Variants in SPATA6 observed in about 807,000 individuals in gnomAD.
SPATA6 encodes spermatogenesis associated 6.
Under a neutral mutation model 65.3 loss-of-function variants are expected in SPATA6, and 56 were observed. That is an observed-to-expected ratio of 0.86 (90% CI 0.69 to 1.07). The LOEUF (loss-of-function observed/expected upper bound fraction) is 1.07, where lower values mean the gene tolerates loss of function less well. SPATA6 is among the 50% of genes least tolerant of loss of function. The pLI, the probability that SPATA6 is intolerant of heterozygous loss-of-function variation, is 0.00. For missense variants in SPATA6, 590 were observed against 594.8 expected, an observed-to-expected ratio of 0.99 and a Z score of 0.08; for synonymous variants, 199 against 213.2, an observed-to-expected ratio of 0.93 and a Z score of 0.58.
chr1:48,322,861 C>G (rs1645638845), intron 11 of SPATA6, among the ~76,000 whole-genome samples: 1 of 152,170 alleles, frequency 6.6e-6, no homozygotes, highest in African/African-American at 2.4e-5. Context: ...CAAATCAAAA[C>G]CACAATGAGA....
chr1:48,368,043 C>G (rs1647089051), intron 9 of SPATA6, among the ~76,000 whole-genome samples: 1 of 152,130 alleles, frequency 6.6e-6, no homozygotes, highest in African/African-American at 2.4e-5. Flanking sequence ...TTTATTTCTC[C>G]TTCACTTATG....
At chr1:48,326,113 A>T (rs1208106805) in intron 11 of SPATA6, 1 of 155,436 alleles carries the variant, frequency 6.4e-6, no homozygotes, top group African/African-American at 2.4e-5. Context: ...AGAGTCTGTG[A>T]CTGCCACCAT....
chr1:48,431,848 C>T (rs112888373), intron 3 of SPATA6, among the ~76,000 whole-genome samples: 3,761 of 152,240 alleles, frequency 0.025, 98 homozygotes, highest in African/African-American at 0.067. Context: ...TAGCGACTCA[C>T]GCATGTAATC....
chr1:48,341,051 A>T (rs1646201381), intron 11 of SPATA6, among the ~76,000 whole-genome samples: 2 of 152,226 alleles, frequency 1.3e-5, no homozygotes, highest in African/African-American at 4.8e-5. Context: ...GTGGAACACT[A>T]GTATTGGGAA....
chr1:48,456,850 T>C (rs1165532680), intron 1 of SPATA6, among the ~76,000 whole-genome samples: 1 of 151,934 alleles, frequency 6.6e-6, no homozygotes, highest in Admixed American at 6.6e-5. Context: ...GAAGGAAAAA[T>C]GAACAGAGTT....
At chr1:48,464,366 A>G (rs765666112) in intron 1 of SPATA6, among the ~76,000 whole-genome samples, 2 of 152,188 alleles carry the variant, frequency 1.3e-5, no homozygotes, top group African/African-American at 2.4e-5. Context: ...AAAACTGTCT[A>G]TTTTCAAACA....
At chr1:48,462,860 TA>T (rs1025960677) in intron 1 of SPATA6, among the ~76,000 whole-genome samples, 5 of 152,164 alleles carry the variant, frequency 3.3e-5, no homozygotes, top group African/African-American at 1.2e-4. Context: ...GATGTTTCCA[TA>T]AGAGATTAGT....
Position 48,403,801 on chromosome 1 carries a change from C to T in SPATA6, c.486+1G>A, listed in dbSNP as rs1454873969. ...AAATACTTTATACAAATAATTTTAA[C>T]CTGAGTGTGGCATTTCCTTGAACTT... On this transcript the variant is annotated splice_donor_variant, in intron 6 of 12. Transcript: ENST00000371847. LOFTEE classifies it high-confidence loss of function. 3.1e-6 allele frequency: 5 copies of T among 1,598,994 alleles called. 1 individual carries two copies. In the South Asian group the frequency reaches 5.7e-5, roughly 18 times the overall value.
chr1:48,390,712 A>G (rs1649966833), intron 8 of SPATA6, among the ~76,000 whole-genome samples: 1 of 152,208 alleles, frequency 6.6e-6, no homozygotes, highest in South Asian at 2.1e-4. Context: ...AATTTTTAGA[A>G]CAGAAAATCA....
At chr1:48,285,876 C>T in the SPATA6 span, among the ~76,000 whole-genome samples, 141 of 152,168 alleles carry the variant, frequency 9.3e-4, no homozygotes, top group Non-Finnish European at 1.2e-3. Flanking sequence ...CAGAACTGTT[C>T]CTATTCAGCC....
the SPATA6 span, among the ~76,000 whole-genome samples, chr1:48,267,403 C>T: frequency 5.3e-5 from 8 of 152,278 alleles, no homozygotes; most frequent in Middle Eastern, 3.4e-3. Context: ...ATTCCAGGCT[C>T]TCATCTGAGT....
At chr1:48,343,843 C>A (rs1646287326) in intron 11 of SPATA6, among the ~76,000 whole-genome samples, 1 of 152,008 alleles carries the variant, frequency 6.6e-6, no homozygotes, top group Admixed American at 6.6e-5. Flanking sequence ...TTATGTTAAA[C>A]TTTAGTAAGA....
chr1:48,268,373 T>C, the SPATA6 span, among the ~76,000 whole-genome samples: 3 of 152,034 alleles, frequency 2.0e-5, no homozygotes, highest in Non-Finnish European at 4.4e-5. Flanking sequence ...TATGTAATCA[T>C]ATGTTATAAT....
chr1:48,452,789 A>T (rs1398601482), intron 2 of SPATA6, among the ~76,000 whole-genome samples: 1 of 152,248 alleles, frequency 6.6e-6, no homozygotes, highest in Non-Finnish European at 1.5e-5. Context: ...TTTTAGGAAT[A>T]AGCTAATCAA....
the SPATA6 span, among the ~76,000 whole-genome samples, chr1:48,287,569 A>G: frequency 7.0e-4 from 107 of 152,260 alleles, 1 homozygote; most frequent in South Asian, 4.3e-3. Context: ...AGTAGTTCAC[A>G]TGAGATCTGG....
At chr1:48,437,365 G>C in intron 3 of SPATA6, 2 of 1,481,250 alleles carry the variant, frequency 1.4e-6, no homozygotes, top group Admixed American at 4.9e-5. Flanking sequence ...AAACCACTCT[G>C]TTCAAAGGGG....
rs941538389 is a variant in SPATA6 at position 48,300,603 on chromosome 1, C to T, written c.1287-1710G>A. On this transcript the variant is annotated intron_variant, in intron 12 of 12. Coordinates refer to ENST00000371847, the MANE Select transcript of SPATA6 (RefSeq NM_019073.4). ...CCCTGGTACCAAAACCAGACAAAAACAACAACAAAAATAAACTACAGGCTA... is the reference window on the plus strand; with the variant it reads ...CCCTGGTACCAAAACCAGACAAAAATAACAACAAAAATAAACTACAGGCTA... 3.3e-5 allele frequency among the ~76,000 whole-genome samples: 5 copies of T among 151,960 alleles called. No homozygotes were observed. The East Asian group carries it at 9.6e-4, about 29-fold the overall frequency.
chr1:48,275,777 T>C, the SPATA6 span, among the ~76,000 whole-genome samples: 1 of 151,976 alleles, frequency 6.6e-6, no homozygotes, highest in East Asian at 1.9e-4. Context: ...TTATTTAGGA[T>C]ATTGGCCTGA....
the SPATA6 span, among the ~76,000 whole-genome samples, chr1:48,261,482 G>A: frequency 1.3e-5 from 2 of 151,926 alleles, no homozygotes; most frequent in African/African-American, 4.8e-5. Flanking sequence ...TTTACTTAAA[G>A]GCAAACTTTC....
Sources: gnomAD v4.1 joint callset for allele counts (sites outside exome capture counted in the v4.1 genomes callset) on GRCh38, gnomAD v4.1.1 for gene constraint, MANE v1.5 for transcripts, NCBI Gene and HGNC (gene_info 2026-07-23, HGNC 2026-07-21) for gene names.